The following SEMA3E variants were observed in gnomAD, a reference collection of about 807,000 sequenced individuals.
SEMA3E encodes the protein semaphorin-3E.
Under a neutral mutation model 93.6 loss-of-function variants are expected in SEMA3E, and 49 were observed. That is an observed-to-expected ratio of 0.52 (90% CI 0.42 to 0.66). SEMA3E has a LOEUF of 0.66. SEMA3E is among the 30% of genes least tolerant of loss of function. The pLI is 0.00. For synonymous variants in SEMA3E, 363 were observed against 330.7 expected, an observed-to-expected ratio of 1.10 and a Z score of -1.06; for missense variants, 906 against 964.8, an observed-to-expected ratio of 0.94 and a Z score of 0.81.
chr7:83,434,567 T>C (rs569632273), intron 4 of SEMA3E, among the ~76,000 whole-genome samples: 2 of 152,188 alleles, frequency 1.3e-5, no homozygotes, highest in Non-Finnish European at 2.9e-5. Flanking sequence ...AAAATTAAAC[T>C]GTGTTCTATA....
chr7:83,640,387 A>G (rs1793981365), intron 1 of SEMA3E, among the ~76,000 whole-genome samples: 1 of 152,220 alleles, frequency 6.6e-6, no homozygotes, highest in Non-Finnish European at 1.5e-5. Context: ...GTTTAGCTAC[A>G]GAATACTTGG....
intron 4 of SEMA3E, among the ~76,000 whole-genome samples, chr7:83,459,157 A>G (rs1789557851): frequency 6.6e-6 from 1 of 151,902 alleles, no homozygotes; most frequent in South Asian, 2.1e-4. Flanking sequence ...AAGTCACACT[A>G]TTGAAACTGT....
Position 83,367,743 on chromosome 7 carries a change from C to G in SEMA3E, c.2171G>C (p.Arg724Thr). ...TACTTTCTCGCAGTATTCTTCCACT[C>G]TCTGGAAGTTGCTATAACCGATCAG... ...LQLIGYSNFQ[R>T]VEEYCEKVWC... The change falls in exon 17 of 17, where the codon AGA (arginine) becomes ACA (threonine). Residue 724 changes from arginine to threonine, a missense_variant. Transcript: ENST00000643230. The G allele has an allele frequency of 6.2e-7, 1 of 1,614,112 alleles. No homozygotes were observed. The highest frequency in any genetic ancestry group is 1.1e-5 in the South Asian group (1 of 91,078).
chr7:83,536,268 A>C (rs942352813), intron 1 of SEMA3E, among the ~76,000 whole-genome samples: 2 of 152,114 alleles, frequency 1.3e-5, no homozygotes, highest in African/African-American at 4.8e-5. Flanking sequence ...AGGGTTGAAC[A>C]TGCAGAGAAA....
chr7:83,517,049 G>A (rs1790943857), intron 1 of SEMA3E, among the ~76,000 whole-genome samples: 1 of 151,910 alleles, frequency 6.6e-6, no homozygotes, highest in African/African-American at 2.4e-5. Flanking sequence ...ATCTACCCTT[G>A]TGACTACCAA....
chr7:83,481,442 C>G (rs138660856), intron 2 of SEMA3E, among the ~76,000 whole-genome samples: 3 of 151,924 alleles, frequency 2.0e-5, no homozygotes, highest in African/African-American at 7.3e-5. Context: ...TGATTGAAAT[C>G]AAAATTCTCA....
At chr7:83,442,636 G>T (rs1789139052) in intron 4 of SEMA3E, among the ~76,000 whole-genome samples, 1 of 152,020 alleles carries the variant, frequency 6.6e-6, no homozygotes, top group Non-Finnish European at 1.5e-5. Context: ...GCTATACTCG[G>T]GGTCAGGTTT....
At chr7:83,574,471 AGAG>A (rs1369812929) in intron 1 of SEMA3E, among the ~76,000 whole-genome samples, 4 of 147,252 alleles carry the variant, frequency 2.7e-5, no homozygotes, top group Non-Finnish European at 4.5e-5. Flanking sequence ...AAAAAAAAAA[AGAG>A]AGAGAGAGAC....
chr7:83,493,284 C>T (rs1790420884), intron 1 of SEMA3E, among the ~76,000 whole-genome samples: 2 of 151,832 alleles, frequency 1.3e-5, no homozygotes, highest in African/African-American at 2.4e-5. Flanking sequence ...CATGTTTAAG[C>T]TTGCCTAAAG....
At chr7:83,587,341 A>G (rs1792650433) in intron 1 of SEMA3E, among the ~76,000 whole-genome samples, 1 of 152,138 alleles carries the variant, frequency 6.6e-6, no homozygotes, top group Admixed American at 6.6e-5. Flanking sequence ...TATAAATAAA[A>G]TTATTAGATT....
intron 1 of SEMA3E, among the ~76,000 whole-genome samples, chr7:83,537,975 G>A (rs962366842): frequency 8.6e-5 from 13 of 151,956 alleles, no homozygotes; most frequent in African/African-American, 3.1e-4. Flanking sequence ...GAATCATATG[G>A]TATGTGAACT....
intron 1 of SEMA3E, among the ~76,000 whole-genome samples, chr7:83,499,931 T>C (rs573247782): frequency 6.6e-6 from 1 of 152,302 alleles, no homozygotes; most frequent in South Asian, 2.1e-4. Flanking sequence ...AACAAAGTCC[T>C]ATGCACTCCT....
chr7:83,379,881 G>A (rs189530305), intron 16 of SEMA3E, among the ~76,000 whole-genome samples: 21 of 151,930 alleles, frequency 1.4e-4, no homozygotes, highest in African/African-American at 3.1e-4. Context: ...TTTAAGTACC[G>A]ATTGGTGCTA....
chr7:83,565,474 A>T (rs1350940557), intron 1 of SEMA3E, among the ~76,000 whole-genome samples: 1 of 152,186 alleles, frequency 6.6e-6, no homozygotes, highest in East Asian at 1.9e-4. Context: ...ATACCTATGG[A>T]ACAAACCTGC....
intron 1 of SEMA3E, among the ~76,000 whole-genome samples, chr7:83,507,095 G>T (rs1405616785): frequency 6.6e-6 from 1 of 152,178 alleles, no homozygotes; most frequent in Non-Finnish European, 1.5e-5. Context: ...CCATGTAGCT[G>T]CCCTATCCCT....
At chr7:83,594,852 G>A (rs1323936263) in intron 1 of SEMA3E, among the ~76,000 whole-genome samples, 1 of 151,398 alleles carries the variant, frequency 6.6e-6, no homozygotes, top group Non-Finnish European at 1.5e-5. Flanking sequence ...TAAATGGTCT[G>A]AATGATTCAC....
rs755367359 is a variant in SEMA3E, at chr7:83,466,578, C to T, written c.360G>A (p.Arg120=). The change falls in exon 4 of 17, where the codon CGG becomes CGA. Residue 120 remains arginine (R), a synonymous_variant. Transcript: ENST00000643230. ...GTGTCCTGTTATAGTGATGCAAAACCCGAACATAATTTGCACATTCACCCT... is the reference window on the plus strand; with the variant it reads ...GTGTCCTGTTATAGTGATGCAAAACTCGAACATAATTTGCACATTCACCCT... The part of the protein sequence containing the change: ...KDAGECANYV[R]VLHHYNRTHL... 7 of 1,613,574 alleles carry T rather than the reference C, an allele frequency of 4.3e-6. No individual in the cohort carries two copies. In the African/African-American group the frequency reaches 8.0e-5, roughly 18 times the overall value.
intron 1 of SEMA3E, among the ~76,000 whole-genome samples, chr7:83,536,200 T>A (rs1333647556): frequency 2.0e-5 from 3 of 151,826 alleles, no homozygotes; most frequent in Non-Finnish European, 4.4e-5. Flanking sequence ...TTTTACCAGC[T>A]TTTGATTTTT....
intron 2 of SEMA3E, among the ~76,000 whole-genome samples, chr7:83,481,264 G>C (rs1473181682): frequency 2.0e-5 from 3 of 151,950 alleles, no homozygotes; most frequent in Non-Finnish European, 4.4e-5. Context: ...GTCACATTAT[G>C]ATCAGAAAGT....
Sources: allele counts gnomAD v4.1 joint callset (sites outside exome capture counted in the v4.1 genomes callset), GRCh38; gene constraint gnomAD v4.1.1; transcripts MANE v1.5; gene names NCBI Gene and HGNC (gene_info 2026-07-23, HGNC 2026-07-21).